PTPRG: variants seen among roughly 807,000 people sequenced by gnomAD.
PTPRG encodes receptor-type tyrosine-protein phosphatase gamma.
PTPRG carries 102 observed loss-of-function variants against 165.3 expected under a neutral mutation model. That is an observed-to-expected ratio of 0.62 (90% confidence interval 0.53 to 0.73). The LOEUF (loss-of-function observed/expected upper bound fraction) is 0.73. Ranked by LOEUF, PTPRG falls within the 30% of genes least tolerant of loss-of-function variation. The probability of loss-of-function intolerance (pLI) is 0.00; values close to 1 mark genes in which losing one functional copy is unlikely to be tolerated. For synonymous variants in PTPRG, 675 were observed against 669.5 expected, an observed-to-expected ratio of 1.01 and a Z score of -0.13; for missense variants, 1,866 against 1,861.4, an observed-to-expected ratio of 1.00 and a Z score of -0.05.
rs557525116 is a variant in PTPRG at position 61,888,228 on chromosome 3, TGTCC to T, written c.191-101393_191-101390del. Among the ~76,000 whole-genome samples the T allele has an allele frequency of 4.9e-4, 74 of 152,302 alleles. 1 individual carries two copies. The East Asian group carries it at 6.9e-3, about 14-fold the overall frequency. Reference sequence around the variant, plus strand: ...GTGTGTGTGTGTGTGTGTGTCTGTCTGTCCGTCTGTGTGTATTTATTAGTGAAGT... The same window carrying T: ...GTGTGTGTGTGTGTGTGTGTCTGTCTGTCTGTGTGTATTTATTAGTGAAGT... On this transcript the variant is annotated intron_variant, in intron 2 of 29. Transcript: ENST00000474889.
At chr3:61,620,786 G>A (rs1701427937) in intron 1 of PTPRG, among the ~76,000 whole-genome samples, 1 of 151,868 alleles carries the variant, frequency 6.6e-6, no homozygotes, top group Admixed American at 6.6e-5. Context: ...GTGCCACCAT[G>A]CCCAGCTAGT....
intron 13 of PTPRG, among the ~76,000 whole-genome samples, chr3:62,221,179 T>C (rs1407041307): frequency 6.6e-6 from 1 of 152,234 alleles, no homozygotes; most frequent in Admixed American, 6.5e-5. Flanking sequence ...ATGGAAAATA[T>C]GAATTGAATA....
At chr3:62,078,475 A>G (rs1490169883) in intron 5 of PTPRG, among the ~76,000 whole-genome samples, 3 of 152,210 alleles carry the variant, frequency 2.0e-5, no homozygotes, top group African/African-American at 7.2e-5. Context: ...TTTTATTGCT[A>G]CTTGACTGGT....
intron 1 of PTPRG, among the ~76,000 whole-genome samples, chr3:61,614,418 CTTTTTTTTT>C (rs550755163): frequency 8.5e-6 from 1 of 117,694 alleles, no homozygotes; most frequent in Non-Finnish European, 1.6e-5. Context: ...TTAATAATAC[CTTTTTTTTT>C]TTTTTTTTGA....
At chr3:61,819,174 G>A (rs1213074896) in intron 2 of PTPRG, among the ~76,000 whole-genome samples, 2 of 152,106 alleles carry the variant, frequency 1.3e-5, no homozygotes, top group African/African-American at 2.4e-5. Context: ...GATAGAAAAT[G>A]TGAACCATGA....
At chr3:62,234,327 T>C (rs1700974081) in intron 14 of PTPRG, among the ~76,000 whole-genome samples, 1 of 152,206 alleles carries the variant, frequency 6.6e-6, no homozygotes, top group South Asian at 2.1e-4. Flanking sequence ...TGGATAAGCA[T>C]GTCTGTAGGA....
At chr3:62,086,529 T>C (rs577984044) in intron 5 of PTPRG, among the ~76,000 whole-genome samples, 1 of 152,218 alleles carries the variant, frequency 6.6e-6, no homozygotes, top group Non-Finnish European at 1.5e-5. Context: ...TAAACTAATA[T>C]GATTCCTAAT....
At chr3:61,833,481 C>T (rs1026885023) in intron 2 of PTPRG, among the ~76,000 whole-genome samples, 3 of 152,250 alleles carry the variant, frequency 2.0e-5, no homozygotes, top group East Asian at 1.9e-4. Flanking sequence ...ATGTAGTGAG[C>T]GTGTGTGCCA....
intron 1 of PTPRG, among the ~76,000 whole-genome samples, chr3:61,632,513 A>G (rs888672203): frequency 5.3e-5 from 8 of 152,204 alleles, no homozygotes; most frequent in Admixed American, 6.5e-5. Context: ...TAATTTTGCT[A>G]TATGTTCAGC....
chr3:61,904,912 T>TC (rs1389794022), intron 2 of PTPRG, among the ~76,000 whole-genome samples: 1 of 148,810 alleles, frequency 6.7e-6, no homozygotes, highest in East Asian at 1.9e-4. Flanking sequence ...TGGAAAGCCT[T>TC]TTTTTTTTTG....
chr3:61,993,563 T>G (rs559562044), intron 3 of PTPRG, among the ~76,000 whole-genome samples: 1 of 152,254 alleles, frequency 6.6e-6, no homozygotes, highest in Non-Finnish European at 1.5e-5. Context: ...AGAAATGGGT[T>G]AAAGGGCTCA....
chr3:62,045,621 G>C (rs1165235523), intron 4 of PTPRG, among the ~76,000 whole-genome samples: 1 of 152,190 alleles, frequency 6.6e-6, no homozygotes, highest in African/African-American at 2.4e-5. Flanking sequence ...CCTGTCAAAT[G>C]TCCTTAGTAA....
chr3:61,821,336 CT>C (rs1189557129), intron 2 of PTPRG, among the ~76,000 whole-genome samples: 1 of 151,930 alleles, frequency 6.6e-6, no homozygotes, highest in African/African-American at 2.4e-5. Context: ...CGCCTGGCTA[CT>C]TTTTTGTATT....
chr3:61,799,254 G>A (rs2035159708), intron 2 of PTPRG, among the ~76,000 whole-genome samples: 1 of 151,952 alleles, frequency 6.6e-6, no homozygotes, highest in South Asian at 2.1e-4. Context: ...TTTATCACCA[G>A]TAAAGAACCA....
chr3:61,874,586 G>T (rs1465189437), intron 2 of PTPRG, among the ~76,000 whole-genome samples: 15 of 152,012 alleles, frequency 9.9e-5, no homozygotes, highest in Admixed American at 9.8e-4. Context: ...TAGGACAGAG[G>T]TGGTTGATTC....
rs1700445929 is a variant in PTPRG at position 62,214,377 on chromosome 3, C to T, written c.2156-4474C>T. Reference sequence around the variant, plus strand: ...CAATAATCACAATAGTTAACATTAACCAGGTGCCAGGCAACATTCTAAGTG... The same window carrying T: ...CAATAATCACAATAGTTAACATTAATCAGGTGCCAGGCAACATTCTAAGTG... On this transcript the variant is annotated intron_variant, in intron 12 of 29. Coordinates refer to ENST00000474889, the MANE Select transcript of PTPRG (RefSeq NM_002841.4). The surrounding 1 kb of genome is among the most constrained non-coding windows in gnomAD (Gnocchi z 5.2). Among the ~76,000 whole-genome samples the T allele has an allele frequency of 6.6e-6, 1 of 152,168 alleles. No homozygotes were observed. Among genetic ancestry groups the T allele is most frequent in the Non-Finnish European group, 1.5e-5 (1 of 68,032 alleles).
At chr3:62,008,381 G>C (rs937873037) in intron 4 of PTPRG, among the ~76,000 whole-genome samples, 1 of 152,178 alleles carries the variant, frequency 6.6e-6, no homozygotes, top group African/African-American at 2.4e-5. Flanking sequence ...ATGAGTTGAA[G>C]TCTTCAATAA....
intron 2 of PTPRG, among the ~76,000 whole-genome samples, chr3:61,776,296 G>A (rs994803171): frequency 1.4e-4 from 22 of 152,074 alleles, no homozygotes; most frequent in Admixed American, 1.3e-4. Flanking sequence ...TGAGACCTAT[G>A]AGCTTGACTT....
intron 2 of PTPRG, among the ~76,000 whole-genome samples, chr3:61,803,607 T>C (rs545522986): frequency 6.7e-6 from 1 of 148,910 alleles, no homozygotes; most frequent in South Asian, 2.1e-4. Flanking sequence ...AGTTATTTTT[T>C]CCCCCAAAGG....
Sources: gnomAD v4.1 joint callset for allele counts (sites outside exome capture counted in the v4.1 genomes callset) on GRCh38, gnomAD v4.1.1 for gene constraint, Gnocchi (gnomAD v3.1) non-coding constraint, MANE v1.5 for transcripts, NCBI Gene and HGNC (gene_info 2026-07-23, HGNC 2026-07-21) for gene names.